DLG2: variants seen among roughly 807,000 people sequenced by gnomAD.
The protein encoded by DLG2 is discs large MAGUK scaffold protein 2, also known as disks large homolog 2.
In DLG2, 45 loss-of-function variants were observed where a neutral mutation model predicts 132.5. The observed-to-expected ratio is 0.34, with a 90% CI of 0.27 to 0.44. DLG2 has a LOEUF of 0.44. Ranked by LOEUF, DLG2 falls within the 20% of genes least tolerant of loss-of-function variation. DLG2 has a pLI of 1.00. For missense variants in DLG2, 1,045 were observed against 1,196.9 expected (o/e 0.87, Z 1.87); for synonymous variants, 424 against 419.6 (o/e 1.01, Z -0.13).
intron 21 of DLG2, among the ~76,000 whole-genome samples, chr11:83,507,054 G>A (rs2094740218): frequency 2.0e-5 from 3 of 152,088 alleles, no homozygotes; most frequent in Admixed American, 2.0e-4. Flanking sequence ...CTGAACTTAG[G>A]AGCAACCAAG....
rs374528957 is a variant in DLG2 at position 84,063,657 on chromosome 11, T to G, written c.750-4173A>C. 1.8e-4 allele frequency among the ~76,000 whole-genome samples: 27 copies of G among 152,234 alleles called. No homozygotes were observed. In the East Asian group the frequency reaches 4.4e-3, roughly 25 times the overall value. ...TAAATCATGCTGCTATAAAGACACA[T>G]GCACACGTATGTTTATTGCGGCACT... On this transcript the variant is annotated intron_variant, in intron 10 of 27. Transcript: ENST00000376104.
At chr11:85,500,545 A>AAT (rs1258022378) in intron 3 of DLG2, among the ~76,000 whole-genome samples, 16 of 40,692 alleles carry the variant, frequency 3.9e-4, no homozygotes, top group South Asian at 5.4e-4. Context: ...GTATAATAAA[A>AAT]AAAATAAAAA....
At chr11:83,537,914 T>C (rs1193743163) in intron 20 of DLG2, among the ~76,000 whole-genome samples, 1 of 149,472 alleles carries the variant, frequency 6.7e-6, no homozygotes, top group African/African-American at 2.5e-5. Flanking sequence ...GATTCTATGC[T>C]AAGAGTCCAG....
chr11:84,457,624 T>C (rs1328074212), intron 7 of DLG2, among the ~76,000 whole-genome samples: 1 of 150,996 alleles, frequency 6.6e-6, no homozygotes, highest in Non-Finnish European at 1.5e-5. Flanking sequence ...CTTATTTCCC[T>C]GTGAAAAGGC....
chr11:84,531,021 C>T (rs1421300295), intron 7 of DLG2, among the ~76,000 whole-genome samples: 1 of 152,006 alleles, frequency 6.6e-6, no homozygotes, highest in Non-Finnish European at 1.5e-5. Context: ...GAGGCTGAGG[C>T]AGGAGAATCA....
At chr11:85,111,427 C>A (rs904632836) in intron 6 of DLG2, among the ~76,000 whole-genome samples, 1 of 152,072 alleles carries the variant, frequency 6.6e-6, no homozygotes, top group Non-Finnish European at 1.5e-5. Flanking sequence ...TCATCAATAA[C>A]CCATTTAAAG....
chr11:84,089,056 G>C (rs1029405184), intron 10 of DLG2, among the ~76,000 whole-genome samples: 2 of 152,172 alleles, frequency 1.3e-5, no homozygotes, highest in African/African-American at 4.8e-5. Flanking sequence ...TGACAGGTTG[G>C]ATGTTGTGAC....
intron 9 of DLG2, among the ~76,000 whole-genome samples, chr11:84,137,321 C>T (rs1055480717): frequency 6.6e-6 from 1 of 152,078 alleles, no homozygotes; most frequent in Non-Finnish European, 1.5e-5. Flanking sequence ...CACAACCATA[C>T]TCTATCATTA....
chr11:84,998,124 G>C (rs2057846413), intron 6 of DLG2, among the ~76,000 whole-genome samples: 2 of 151,590 alleles, frequency 1.3e-5, no homozygotes, highest in South Asian at 2.1e-4. Flanking sequence ...TATTAGGTTG[G>C]TGCAAAAGTA....
At chr11:83,629,995 A>G (rs2063286348) in intron 19 of DLG2, among the ~76,000 whole-genome samples, 1 of 152,198 alleles carries the variant, frequency 6.6e-6, no homozygotes, top group South Asian at 2.1e-4. Context: ...AATCAAACAT[A>G]CCCAAATCAT....
At chr11:85,508,939 T>A (rs1170521059) in intron 3 of DLG2, among the ~76,000 whole-genome samples, 1 of 152,112 alleles carries the variant, frequency 6.6e-6, no homozygotes, top group African/African-American at 2.4e-5. Flanking sequence ...TATGTTGATG[T>A]TGAAGCATAT....
At chr11:85,126,361 T>C (rs1337341049) in intron 5 of DLG2, among the ~76,000 whole-genome samples, 1 of 152,038 alleles carries the variant, frequency 6.6e-6, no homozygotes, top group African/African-American at 2.4e-5. Context: ...TTGCTGAGAG[T>C]GATGTTGTTG....
intron 5 of DLG2, chr11:85,132,743 A>G (rs192609448): frequency 8.8e-5 from 40 of 456,720 alleles, no homozygotes; most frequent in Non-Finnish European, 1.3e-4. Context: ...GCTGCACACA[A>G]TAACAGCCCT....
chr11:84,483,296 A>G (rs1476349916), intron 7 of DLG2, among the ~76,000 whole-genome samples: 2 of 151,762 alleles, frequency 1.3e-5, no homozygotes. Context: ...GGCAGGCATG[A>G]TGGCGGGTGC....
chr11:85,128,420 G>A (rs894904580), intron 5 of DLG2, among the ~76,000 whole-genome samples: 1 of 152,082 alleles, frequency 6.6e-6, no homozygotes, highest in Non-Finnish European at 1.5e-5. Flanking sequence ...TAAAGAAAAA[G>A]ACAATGGTGG....
intron 3 of DLG2, among the ~76,000 whole-genome samples, chr11:85,559,155 A>ATTTT (rs1185312599): frequency 7.1e-6 from 1 of 140,310 alleles, no homozygotes; most frequent in African/African-American, 2.6e-5. Flanking sequence ...TATTATTATT[A>ATTTT]TTTTTTTTTT....
chr11:84,983,749 A>G (rs74385543), intron 6 of DLG2, among the ~76,000 whole-genome samples: 2,557 of 152,332 alleles, frequency 0.017, 39 homozygotes, highest in Admixed American at 0.04. Flanking sequence ...TTAAAAAATA[A>G]TACAAGAAGT....
chr11:83,925,998 T>A (rs1200580741), intron 15 of DLG2, among the ~76,000 whole-genome samples: 2 of 152,178 alleles, frequency 1.3e-5, no homozygotes, highest in East Asian at 3.8e-4. Flanking sequence ...TCTGCACATT[T>A]CTTGCTTCTG....
At chr11:84,095,430 C>T (rs1329120440) in intron 10 of DLG2, among the ~76,000 whole-genome samples, 2 of 152,112 alleles carry the variant, frequency 1.3e-5, no homozygotes, top group African/African-American at 2.4e-5. Flanking sequence ...GAAGTTAGAA[C>T]CCACATCTTT....
Sources: gnomAD v4.1 joint callset for allele counts (sites outside exome capture counted in the v4.1 genomes callset) on GRCh38, gnomAD v4.1.1 for gene constraint, MANE v1.5 for transcripts, NCBI Gene and HGNC (gene_info 2026-07-23, HGNC 2026-07-21) for gene names.